PXK: variants seen among roughly 807,000 people sequenced by gnomAD.
PXK encodes PX domain-containing protein kinase-like protein.
In PXK, 35 loss-of-function variants were observed where a neutral mutation model predicts 84.7. That is an observed-to-expected ratio of 0.41 (90% CI 0.32 to 0.55). The LOEUF (loss-of-function observed/expected upper bound fraction) is 0.55. PXK is among the 20% of genes least tolerant of loss of function. PXK has a pLI of 0.21. For missense variants in PXK, 634 were observed against 699.7 expected (o/e 0.91, Z 1.06); for synonymous variants, 253 against 260.8 (o/e 0.97, Z 0.29).
intron 2 of PXK, among the ~76,000 whole-genome samples, chr3:58,366,398 C>T (rs1012107168): frequency 6.6e-6 from 1 of 152,052 alleles, no homozygotes; most frequent in African/African-American, 2.4e-5. Context: ...CTTCTTGGGG[C>T]CCCAGGCTCT....
intron 17 of PXK, among the ~76,000 whole-genome samples, chr3:58,415,249 C>T (rs968388928): frequency 2.6e-5 from 4 of 152,128 alleles, no homozygotes; most frequent in African/African-American, 9.7e-5. Context: ...CACTATCTAC[C>T]TGGAGATAGC....
chr3:58,419,520 TG>T (rs1224400605), intron 17 of PXK, among the ~76,000 whole-genome samples: 1 of 152,278 alleles, frequency 6.6e-6, no homozygotes, highest in Non-Finnish European at 1.5e-5. Context: ...CCCAAAGTGC[TG>T]GGATTACAGG....
At chr3:58,391,894 C>T (rs1231526463) in intron 7 of PXK, 47 bp downstream of exon 7, 2 of 1,521,574 alleles carry the variant, frequency 1.3e-6, no homozygotes, top group African/African-American at 2.8e-5. Flanking sequence ...GATAGAGTCA[C>T]AGTATTTTTT....
At position 58,341,298 on chromosome 3, in the gene PXK, A is replaced by G. The variant is rs371795822; in HGVS notation, c.102+8208A>G. ...TGTTTTGAGCCAGGCATGGTGGCTCATGCCTGAAATGCCAGCACTTTGGGA... is the reference window on the plus strand; with the variant it reads ...TGTTTTGAGCCAGGCATGGTGGCTCGTGCCTGAAATGCCAGCACTTTGGGA... On this transcript the variant is annotated intron_variant, in intron 1 of 17. Transcript: ENST00000356151. Among the ~76,000 whole-genome samples, 32 of 152,332 alleles carry G rather than the reference A, an allele frequency of 2.1e-4. 1 individual carries two copies. The highest frequency in any genetic ancestry group is 1.4e-3 in the Admixed American group (21 of 15,306).
intron 1 of PXK, among the ~76,000 whole-genome samples, chr3:58,334,832 G>A (rs2097557059): frequency 6.6e-6 from 1 of 152,112 alleles, no homozygotes; most frequent in Admixed American, 6.5e-5. Context: ...TTCTGTTTAT[G>A]TAAAATGGTA....
chr3:58,393,206 G>A (rs952182696), intron 7 of PXK, among the ~76,000 whole-genome samples: 1 of 151,982 alleles, frequency 6.6e-6, no homozygotes, highest in African/African-American at 2.4e-5. Flanking sequence ...AAATTAGCTG[G>A]ACGTGGTGGT....
chr3:58,388,829 G>A (rs911361418), intron 4 of PXK, among the ~76,000 whole-genome samples: 15 of 152,100 alleles, frequency 9.9e-5, no homozygotes, highest in African/African-American at 3.4e-4. Flanking sequence ...CTCTTGACAT[G>A]TGAATTCTAA....
intron 1 of PXK, among the ~76,000 whole-genome samples, chr3:58,336,059 ATATATATATATATTTTTTTTT>A (rs1430183114): frequency 2.6e-4 from 15 of 58,370 alleles, no homozygotes; most frequent in African/African-American, 1.0e-3. Context: ...ATATATATAT[ATATATATATATATTTTTTTTT>A]TTTTTTTTTA....
rs897031900 is a variant in PXK, at chr3:58,395,018, T to C, written c.636T>C (p.Val212=). The C allele has an allele frequency of 6.2e-7, 1 of 1,613,402 alleles. No individual in the cohort carries two copies. ...GACAGCACCCTTACATCTATCGGGT[T>C]ACCTTTGCCACAGCTAATGAATCCT... ...PSCLHPYIYR[V]TFATANESSA... The change falls in exon 8 of 18, where the codon GTT becomes GTC. Residue 212 remains valine, a synonymous_variant. Coordinates refer to ENST00000356151, the MANE Select transcript of PXK (RefSeq NM_017771.5).
At position 58,402,269 on chromosome 3, in the gene PXK, T is replaced by G. The variant is rs1247100141; in HGVS notation, c.1182-1593T>G. On this transcript the variant is annotated intron_variant, in intron 12 of 17. Transcript: ENST00000356151. ...CTCGCACTCCCCCTCCCCCTCTCTC[T>G]CCCCCCTTCTTCTTTTTGAGAGTCT... Among the ~76,000 whole-genome samples the G allele has an allele frequency of 1.2e-4, 14 of 113,986 alleles. 1 individual carries two copies. Among genetic ancestry groups the G allele is most frequent in the African/African-American group, 4.6e-4 (14 of 30,640 alleles). The allele number at this position is 113,986 out of a possible 152,430, so 74.8% of individuals were successfully genotyped here.
chr3:58,381,145 A>G (rs1167696896), intron 3 of PXK, among the ~76,000 whole-genome samples: 1 of 151,448 alleles, frequency 6.6e-6, no homozygotes, highest in Admixed American at 6.6e-5. Flanking sequence ...GCTACTTGGG[A>G]GGCTGAGGCA....
At chr3:58,340,839 G>C (rs1217145257) in intron 1 of PXK, among the ~76,000 whole-genome samples, 1 of 152,146 alleles carries the variant, frequency 6.6e-6, no homozygotes, top group African/African-American at 2.4e-5. Context: ...AGATTTTGGG[G>C]TAGCGTCATA....
At position 58,399,661 on chromosome 3, in the gene PXK, A is replaced by C. The variant is rs2058269107; in HGVS notation, c.1181+284A>C. ...ACGTACATTAGCATTGGGTGTGCGT[A>C]TGTGTCGCAGCCCCCAGCTTAGGAA... On this transcript the variant is annotated intron_variant, in intron 12 of 17. Transcript: ENST00000356151. This position sits in a 1 kb window ranked among gnomAD's most constrained non-coding sequence, Gnocchi z 4.3. Among the ~76,000 whole-genome samples, 2 of 152,064 alleles carry C rather than the reference A, an allele frequency of 1.3e-5. No individual in the cohort carries two copies. The highest frequency in any genetic ancestry group is 4.1e-4 in the South Asian group (2 of 4,826).
chr3:58,391,439 A>G (rs2098630405), intron 6 of PXK, among the ~76,000 whole-genome samples: 1 of 152,148 alleles, frequency 6.6e-6, no homozygotes. Flanking sequence ...TTGAAAAGAA[A>G]CAAGAACAGC....
At chr3:58,372,191 C>A (rs971597755) in intron 3 of PXK, among the ~76,000 whole-genome samples, 1 of 152,146 alleles carries the variant, frequency 6.6e-6, no homozygotes, top group Non-Finnish European at 1.5e-5. Context: ...TAATGGTGAT[C>A]CCCAGGTGGC....
chr3:58,370,078 A>G lies in PXK; in HGVS notation c.201+600A>G, dbSNP rs559844566. ...AATATCTCCTTTTAACAGATGTGGA[A>G]TGATTGCGTGGATTGCTAGTGTTGT... On this transcript the variant is annotated intron_variant, in intron 3 of 17. Coordinates refer to ENST00000356151, the MANE Select transcript of PXK (RefSeq NM_017771.5). The surrounding 1 kb of genome is among the most constrained non-coding windows in gnomAD (Gnocchi z 4.2). 4.0e-5 allele frequency among the ~76,000 whole-genome samples: 6 copies of G among 148,618 alleles called. No individual in the cohort carries two copies. Among genetic ancestry groups the G allele is most frequent in the Non-Finnish European group, 7.4e-5 (5 of 68,012 alleles).
intron 1 of PXK, among the ~76,000 whole-genome samples, chr3:58,347,172 T>A (rs2097840646): frequency 6.6e-6 from 1 of 152,086 alleles, no homozygotes; most frequent in South Asian, 2.1e-4. Context: ...GAGGTCTCAC[T>A]ATGTTGTCCC....
chr3:58,392,949 C>T (rs993437715), intron 7 of PXK, among the ~76,000 whole-genome samples: 7 of 151,938 alleles, frequency 4.6e-5, no homozygotes, highest in African/African-American at 9.7e-5. Context: ...TGTGAGCCAC[C>T]GCACCCGGCC....
Position 58,334,951 on chromosome 3 carries a change from GTGTGTGTC to G in PXK, c.102+1869_102+1876del, listed in dbSNP as rs1336406374. On this transcript the variant is annotated intron_variant, in intron 1 of 17. Transcript: ENST00000356151. ...AGGGTGTGTGTGTGTGTGTGTGTGT[GTGTGTGTC>G]TGTGTGTGTGTGTGTGTGTGTGTGT... Among the ~76,000 whole-genome samples, 23 of 125,400 alleles carry G rather than the reference GTGTGTGTC, an allele frequency of 1.8e-4. 1 individual carries two copies. The highest frequency in any genetic ancestry group is 8.9e-4 in the Admixed American group (11 of 12,306). The allele number at this position is 125,400 out of a possible 152,430, so 82.3% of individuals were successfully genotyped here. A position where few individuals can be genotyped will look rare whatever the true frequency, so the allele number is the denominator to read the frequency against.
Sources: gnomAD v4.1 joint callset for allele counts (sites outside exome capture counted in the v4.1 genomes callset) on GRCh38, gnomAD v4.1.1 for gene constraint, Gnocchi (gnomAD v3.1) non-coding constraint, MANE v1.5 for transcripts, NCBI Gene and HGNC (gene_info 2026-07-23, HGNC 2026-07-21) for gene names.